The following PDE1A variants were observed in gnomAD, a reference collection of about 807,000 sequenced individuals.
PDE1A encodes dual specificity calcium/calmodulin-dependent 3',5'-cyclic nucleotide phosphodiesterase 1A.
PDE1A carries 35 observed loss-of-function variants against 61.7 expected under a neutral mutation model. The observed-to-expected ratio is 0.57, with a 90% CI of 0.43 to 0.75. The LOEUF (loss-of-function observed/expected upper bound fraction) is 0.75. Ranked by LOEUF, PDE1A falls within the 30% of genes least tolerant of loss-of-function variation. PDE1A has a pLI of 0.00. For synonymous variants in PDE1A, 232 were observed against 213.2 expected (o/e 1.09, Z -0.77); for missense variants, 597 against 630.6 (o/e 0.95, Z 0.57).
At chr2:182,190,505 C>T (rs1685597974) in intron 10 of PDE1A, among the ~76,000 whole-genome samples, 1 of 151,268 alleles carries the variant, frequency 6.6e-6, no homozygotes, top group African/African-American at 2.4e-5. Context: ...GAAATGAATT[C>T]TCCTTATCTG....
the PDE1A span, among the ~76,000 whole-genome samples, chr2:182,694,062 T>C: frequency 1.4e-4 from 22 of 152,348 alleles, no homozygotes; most frequent in African/African-American, 4.8e-4. Context: ...TAAGAGACCA[T>C]TGCCTAATCC....
intron 1 of PDE1A, among the ~76,000 whole-genome samples, chr2:182,267,418 C>T (rs1300990034): frequency 1.8e-5 from 2 of 109,016 alleles, no homozygotes; most frequent in African/African-American, 4.3e-5. Context: ...CATATCCCCT[C>T]ATGCACACAT....
chr2:182,714,878 T>C, the PDE1A span, among the ~76,000 whole-genome samples: 1 of 152,148 alleles, frequency 6.6e-6, no homozygotes, highest in Non-Finnish European at 1.5e-5. Flanking sequence ...TTAAAGCATT[T>C]ACCCTATTTG....
At chr2:182,348,727 C>T (rs1368788408) in intron 1 of PDE1A, among the ~76,000 whole-genome samples, 1 of 151,778 alleles carries the variant, frequency 6.6e-6, no homozygotes, top group Non-Finnish European at 1.5e-5. Flanking sequence ...TAGCTACACT[C>T]CCAGTTGCAT....
At chr2:182,364,011 T>A (rs150945655) in intron 1 of PDE1A, among the ~76,000 whole-genome samples, 25 of 152,084 alleles carry the variant, frequency 1.6e-4, no homozygotes, top group African/African-American at 6.0e-4. Context: ...TGGTTCCATT[T>A]TGGTTCCATT....
At chr2:182,577,801 T>A in the PDE1A span, among the ~76,000 whole-genome samples, 1 of 152,050 alleles carries the variant, frequency 6.6e-6, no homozygotes, top group African/African-American at 2.4e-5. Context: ...GTGCCTGTAA[T>A]CCCAGCTACT....
the PDE1A span, among the ~76,000 whole-genome samples, chr2:182,691,280 T>C: frequency 6.6e-6 from 1 of 152,110 alleles, no homozygotes; most frequent in East Asian, 1.9e-4. Flanking sequence ...CTTCAAACTA[T>C]ACTACAAGGC....
chr2:182,561,811 T>C, the PDE1A span, among the ~76,000 whole-genome samples: 3 of 152,160 alleles, frequency 2.0e-5, no homozygotes, highest in East Asian at 3.8e-4. Context: ...TTATTCTCTT[T>C]GAAGCAATTG....
chr2:182,555,779 G>A, the PDE1A span, among the ~76,000 whole-genome samples: 38 of 151,500 alleles, frequency 2.5e-4, no homozygotes, highest in Non-Finnish European at 5.0e-4. Flanking sequence ...CAGCCTGGCC[G>A]ACATGATGAA....
the PDE1A span, among the ~76,000 whole-genome samples, chr2:182,596,979 C>T: frequency 6.6e-6 from 1 of 151,780 alleles, no homozygotes; most frequent in South Asian, 2.1e-4. Flanking sequence ...CATGGCAAAC[C>T]CCGTCTCTAT....
At position 182,300,406 on chromosome 2, in the gene PDE1A, G is replaced by A. The variant is rs563869392; in HGVS notation, c.54-35992C>T. Among the ~76,000 whole-genome samples, 62 of 152,244 alleles carry A rather than the reference G, an allele frequency of 4.1e-4. 2 individuals are homozygous for A. In the South Asian group the frequency reaches 0.011, roughly 27 times the overall value. On this transcript the variant is annotated intron_variant, in intron 1 of 13. Transcript: ENST00000351439. ...CATTGATAGGCCATTGCGATCAATTGTTGGGAGTTCAAAGCTCTGTACTAG... is the reference window on the plus strand; with the variant it reads ...CATTGATAGGCCATTGCGATCAATTATTGGGAGTTCAAAGCTCTGTACTAG...
chr2:182,167,533 T>C (rs891636506), downstream of PDE1A, among the ~76,000 whole-genome samples: 5 of 152,158 alleles, frequency 3.3e-5, no homozygotes, highest in Admixed American at 1.3e-4. Flanking sequence ...TATAGCTTTT[T>C]CCCCAAACCT....
At chr2:182,566,963 C>T in the PDE1A span, among the ~76,000 whole-genome samples, 2 of 152,144 alleles carry the variant, frequency 1.3e-5, no homozygotes, top group Admixed American at 6.5e-5. Context: ...GATAACCTTA[C>T]ATATTTTGTT....
chr2:182,274,886 T>C (rs1693295525), intron 1 of PDE1A, among the ~76,000 whole-genome samples: 1 of 152,120 alleles, frequency 6.6e-6, no homozygotes, highest in Admixed American at 6.6e-5. Flanking sequence ...AAGCATTATA[T>C]TGACATTGAC....
chr2:182,363,087 G>C (rs1196221177), intron 1 of PDE1A, among the ~76,000 whole-genome samples: 1 of 151,912 alleles, frequency 6.6e-6, no homozygotes, highest in Non-Finnish European at 1.5e-5. Context: ...AGGAGGAAGA[G>C]GATCAGGAAA....
chr2:182,513,825 C>T (rs1689968940), intron 2 of PDE1A, among the ~76,000 whole-genome samples: 2 of 152,088 alleles, frequency 1.3e-5, no homozygotes, highest in Non-Finnish European at 2.9e-5. Context: ...GAAATTAAGC[C>T]AACAATGATC....
intron 1 of PDE1A, among the ~76,000 whole-genome samples, chr2:182,360,548 G>GTTTTTTTT (rs1699442974): frequency 8.0e-6 from 1 of 124,426 alleles, no homozygotes; most frequent in African/African-American, 3.0e-5. Context: ...TTTTTTTTTC[G>GTTTTTTTT]TAACTTAAGA....
the PDE1A span, among the ~76,000 whole-genome samples, chr2:182,716,681 A>G: frequency 1.3e-5 from 2 of 152,160 alleles, no homozygotes; most frequent in African/African-American, 4.8e-5. Flanking sequence ...ATTCCCTCTC[A>G]GTTACTTACA....
chr2:182,606,223 G>A, the PDE1A span, among the ~76,000 whole-genome samples: 1 of 152,072 alleles, frequency 6.6e-6, no homozygotes, highest in South Asian at 2.1e-4. Flanking sequence ...CTATCGCCCA[G>A]GCTGGAATGC....
Sources: gnomAD v4.1 joint callset for allele counts (sites outside exome capture counted in the v4.1 genomes callset) on GRCh38, gnomAD v4.1.1 for gene constraint, MANE v1.5 for transcripts, NCBI Gene and HGNC (gene_info 2026-07-23, HGNC 2026-07-21) for gene names.